ZFYVE28: variants seen among roughly 807,000 people sequenced by gnomAD.
ZFYVE28 encodes zinc finger FYVE-type containing 28, also known as lateral signaling target protein 2 homolog.
ZFYVE28 carries 40 observed loss-of-function variants against 82.1 expected under a neutral mutation model. The observed-to-expected ratio is 0.49, with a 90% CI of 0.38 to 0.63. ZFYVE28 has a LOEUF of 0.63. Ranked by LOEUF, ZFYVE28 falls within the 30% of genes least tolerant of loss-of-function variation. ZFYVE28 has a pLI of 0.00. For synonymous variants in ZFYVE28, 612 were observed against 546.1 expected, an observed-to-expected ratio of 1.12 and a Z score of -1.68; for missense variants, 1,321 against 1,242.1, an observed-to-expected ratio of 1.06 and a Z score of -0.96.
intron 8 of ZFYVE28, among the ~76,000 whole-genome samples, chr4:2,290,129 C>G (rs11248095): frequency 0.68 from 103,149 of 152,136 alleles, 36,329 homozygotes; most frequent in African/African-American, 0.87. Flanking sequence ...AGGCCCCCAG[C>G]CTGTGCCCCA....
At chr4:2,291,371 G>A (rs1207503149) in intron 8 of ZFYVE28, among the ~76,000 whole-genome samples, 1 of 152,176 alleles carries the variant, frequency 6.6e-6, no homozygotes, top group Non-Finnish European at 1.5e-5. Context: ...GAGCCACTGG[G>A]GAGCAAGTGG....
intron 1 of ZFYVE28, among the ~76,000 whole-genome samples, chr4:2,358,978 T>C (rs993939125): frequency 2.0e-5 from 3 of 147,196 alleles, no homozygotes; most frequent in Non-Finnish European, 3.0e-5. Flanking sequence ...ATTTTTTCTT[T>C]TTTTTTTTTT....
chr4:2,302,953 C>T (rs537425724), intron 8 of ZFYVE28, among the ~76,000 whole-genome samples: 202 of 152,338 alleles, frequency 1.3e-3, no homozygotes, highest in East Asian at 6.9e-3. Context: ...ACGCGGAGGA[C>T]GGTTCCTGCC....
chr4:2,385,538 G>A (rs1317489712), intron 1 of ZFYVE28, among the ~76,000 whole-genome samples: 1 of 152,236 alleles, frequency 6.6e-6, no homozygotes, highest in African/African-American at 2.4e-5. Flanking sequence ...GCGCCCCTTT[G>A]TTTCTGCAGC....
At chr4:2,299,631 GA>G (rs1455368401) in intron 8 of ZFYVE28, among the ~76,000 whole-genome samples, 2 of 127,260 alleles carry the variant, frequency 1.6e-5, no homozygotes, top group Admixed American at 8.3e-5. Context: ...AGAAGGAAGG[GA>G]AGGGAAGGGA....
chr4:2,270,882 G>A (rs753505784), intron 12 of ZFYVE28, 26 bp from the exon 13 acceptor site: 37 of 1,609,582 alleles, frequency 2.3e-5, no homozygotes, highest in Non-Finnish European at 3.1e-5. Context: ...GGCAGTGAGG[G>A]TCTGCGGCAG....
In ZFYVE28 at chr4:2,362,194, A is replaced by C. The variant is rs183464735; in HGVS notation, c.40-8121T>G. ...TCTCCAGGAGACAGTGGTCACATGCAGACTTCAGCTGGACAGAGGCTGGAG... is the reference window on the plus strand; with the variant it reads ...TCTCCAGGAGACAGTGGTCACATGCCGACTTCAGCTGGACAGAGGCTGGAG... On this transcript the variant is annotated intron_variant, in intron 1 of 12. Coordinates refer to ENST00000290974, the MANE Select transcript of ZFYVE28 (RefSeq NM_020972.3). The surrounding 1 kb of genome is among the most constrained non-coding windows in gnomAD (Gnocchi z 5.1). Among the ~76,000 whole-genome samples the C allele has an allele frequency of 2.0e-5, 3 of 152,254 alleles. No individual in the cohort carries two copies. The highest frequency in any genetic ancestry group is 2.9e-5 in the Non-Finnish European group (2 of 68,004).
At chr4:2,272,706 G>A (rs1452104859) in intron 10 of ZFYVE28, among the ~76,000 whole-genome samples, 2 of 152,220 alleles carry the variant, frequency 1.3e-5, no homozygotes, top group African/African-American at 2.4e-5. Context: ...GCGGGTTCGG[G>A]GTGGGCAGCC....
intron 1 of ZFYVE28, among the ~76,000 whole-genome samples, chr4:2,414,636 T>C (rs1035877041): frequency 3.3e-5 from 5 of 152,186 alleles, no homozygotes; most frequent in Non-Finnish European, 7.3e-5. Context: ...TGAGGGTCAA[T>C]TCCTCCTCAA....
chr4:2,290,296 A>G (rs1560144759), intron 8 of ZFYVE28, among the ~76,000 whole-genome samples: 1 of 152,148 alleles, frequency 6.6e-6, no homozygotes, highest in Non-Finnish European at 1.5e-5. Flanking sequence ...TTCTCCGAGG[A>G]GCTGGGGTCT....
At position 2,339,619 on chromosome 4, in the gene ZFYVE28, G is replaced by A; in HGVS notation, c.355C>T (p.Leu119=). 1.2e-6 allele frequency: 2 copies of A among 1,610,194 alleles called. No homozygotes were observed. The highest frequency in any genetic ancestry group is 1.7e-6 in the Non-Finnish European group (2 of 1,178,672). Residue 119 remains leucine, a synonymous_variant, in exon 4 of 13, where the codon CTG becomes TTG. Transcript: ENST00000290974. This position sits in a 1 kb window ranked among gnomAD's most constrained non-coding sequence, Gnocchi z 5.0. ...AGCGGGCGCATGGCCATGCTCTCCA[G>A]CTCCCGGTTCATGATGATGGAGCCG... ...AAGSIIMNRE[L]ESMAMRPLAK... is the part of the protein sequence containing the mutation.
At position 2,304,738 on chromosome 4, in the gene ZFYVE28, C is replaced by G. The variant is rs1322697914; in HGVS notation, c.1602G>C (p.Gln534His). 1 of 1,612,698 alleles carries G rather than the reference C, an allele frequency of 6.2e-7. No individual in the cohort carries two copies. Among genetic ancestry groups the G allele is most frequent in the Non-Finnish European group, 8.5e-7 (1 of 1,179,936 alleles). The change falls in exon 8 of 13, where the codon CAG (glutamine) becomes CAC (histidine). Residue 534 changes from glutamine to histidine, a missense_variant. Gln to His is a conservative substitution (Grantham distance 24). This residue lies in a region of ZFYVE28 where 978 missense variants were observed against 833.7 expected (regional missense o/e 1.17). Coordinates refer to ENST00000290974, the MANE Select transcript of ZFYVE28 (RefSeq NM_020972.3). Reference protein sequence around the residue: ...PTSLDSAVATQEAASEPVAEG... With the variant: ...PTSLDSAVATHEAASEPVAEG... ...CGGCCACGGGCTCCGAGGCGGCCTC[C>G]TGGGTGGCGACCGCAGAGTCCAGGG...
At chr4:2,312,492 G>T (rs1231621212) in intron 7 of ZFYVE28, among the ~76,000 whole-genome samples, 1 of 152,190 alleles carries the variant, frequency 6.6e-6, no homozygotes, top group African/African-American at 2.4e-5. Flanking sequence ...ACTTTGGGAG[G>T]CCGAGGCAGG....
At chr4:2,295,361 G>C (rs997341741) in intron 8 of ZFYVE28, among the ~76,000 whole-genome samples, 5 of 151,732 alleles carry the variant, frequency 3.3e-5, no homozygotes, top group African/African-American at 7.3e-5. Context: ...AGTAAAGACG[G>C]GGTTTTACCA....
chr4:2,374,948 G>A (rs532751576), intron 1 of ZFYVE28, among the ~76,000 whole-genome samples: 1 of 152,206 alleles, frequency 6.6e-6, no homozygotes, highest in Non-Finnish European at 1.5e-5. Flanking sequence ...GGTGCCCGTG[G>A]ATAAGGACAG....
chr4:2,300,953 C>G lies in ZFYVE28; in HGVS notation c.2051+3336G>C, dbSNP rs184403562. Among the ~76,000 whole-genome samples the G allele has an allele frequency of 1.3e-5, 2 of 152,162 alleles. No individual in the cohort carries two copies. The highest frequency in any genetic ancestry group is 4.8e-5 in the African/African-American group (2 of 41,436). On this transcript the variant is annotated intron_variant, in intron 8 of 12. Transcript: ENST00000290974. The surrounding 1 kb of genome is among the most constrained non-coding windows in gnomAD (Gnocchi z 4.6). ...TACCACCCTCTCCGTCTCAGTCTCT[C>G]CCACTGCAGAATGGGAGGCGTAACC...
In ZFYVE28 at chr4:2,335,885, C is replaced by A; in HGVS notation, c.612-91G>T. ...AGCAGGGACAGGCAGTGCGCTCAAT[C>A]TGTACCTGCAGCCACGCGTGGTGGC... On this transcript the variant is annotated intron_variant, in intron 5 of 12. Coordinates refer to ENST00000290974, the MANE Select transcript of ZFYVE28 (RefSeq NM_020972.3). The surrounding 1 kb of genome is among the most constrained non-coding windows in gnomAD (Gnocchi z 5.8). 1 of 1,096,594 alleles carries A rather than the reference C, an allele frequency of 9.1e-7. No individual in the cohort carries two copies. Among genetic ancestry groups the A allele is most frequent in the East Asian group, 2.6e-5 (1 of 38,834 alleles). 67.9% of individuals were successfully genotyped at this position (1,096,594 alleles called of 1,614,324 possible).
At chr4:2,308,675 A>AAGAAAGGAAGAG (rs1200372952) in intron 7 of ZFYVE28, among the ~76,000 whole-genome samples, 1 of 93,146 alleles carries the variant, frequency 1.1e-5, no homozygotes, top group African/African-American at 4.2e-5. Context: ...GAAAGAAAGA[A>AAGAAAGGAAGAG]AGAGAAAGAA....
At chr4:2,275,052 AGAACAGGGCCCG>A (rs1402239013) in intron 8 of ZFYVE28, among the ~76,000 whole-genome samples, 1 of 151,428 alleles carries the variant, frequency 6.6e-6, no homozygotes, top group East Asian at 2.0e-4. Context: ...GCCTGGAGTC[AGAACAGGGCCCG>A]GGACCTCCAG....
Sources: gnomAD v4.1 joint callset for allele counts (sites outside exome capture counted in the v4.1 genomes callset) on GRCh38, gnomAD v4.1.1 for gene constraint, gnomAD v4.1.1 regional missense constraint, Gnocchi (gnomAD v3.1) non-coding constraint, MANE v1.5 for transcripts, NCBI Gene and HGNC (gene_info 2026-07-23, HGNC 2026-07-21) for gene names.